Variants in AKAP6 observed in about 807,000 individuals in gnomAD.
AKAP6 encodes the protein A-kinase anchor protein 6.
AKAP6 carries 58 observed loss-of-function variants against 188.5 expected under a neutral mutation model. The observed-to-expected ratio is 0.31, with a 90% confidence interval of 0.25 to 0.38. The LOEUF (loss-of-function observed/expected upper bound fraction) is 0.38. Ranked by LOEUF, AKAP6 falls within the 10% of genes least tolerant of loss-of-function variation. The pLI, the probability that AKAP6 is intolerant of heterozygous loss-of-function variation, is 1.00. For missense variants in AKAP6, 2,710 were observed against 2,740.0 expected (o/e 0.99, Z 0.24); for synonymous variants, 989 against 998.6 (o/e 0.99, Z 0.18).
At chr14:32,725,721 A>G (rs2030837044) in intron 9 of AKAP6, among the ~76,000 whole-genome samples, 1 of 152,214 alleles carries the variant, frequency 6.6e-6, no homozygotes, top group Non-Finnish European at 1.5e-5. Flanking sequence ...ATGTAGCTAT[A>G]TCATAGAGTC....
intron 7 of AKAP6, among the ~76,000 whole-genome samples, chr14:32,623,995 C>A (rs914843379): frequency 6.6e-6 from 1 of 151,954 alleles, no homozygotes; most frequent in Non-Finnish European, 1.5e-5. Flanking sequence ...AGTAGAGTGG[C>A]AAAGTGAATT....
intron 2 of AKAP6, among the ~76,000 whole-genome samples, chr14:32,454,163 C>T (rs1481642921): frequency 1.3e-5 from 2 of 152,206 alleles, no homozygotes; most frequent in African/African-American, 4.8e-5. Context: ...GAACATGTCT[C>T]AAAGTCCATT....
At chr14:32,524,959 G>A (rs1042951272) in intron 2 of AKAP6, among the ~76,000 whole-genome samples, 2 of 152,136 alleles carry the variant, frequency 1.3e-5, no homozygotes, top group Non-Finnish European at 2.9e-5. Context: ...CAAGCACACT[G>A]CAAGGTAAGA....
At chr14:32,659,479 A>T (rs1439136959) in intron 7 of AKAP6, among the ~76,000 whole-genome samples, 1 of 152,086 alleles carries the variant, frequency 6.6e-6, no homozygotes, top group Non-Finnish European at 1.5e-5. Context: ...GTTATTTCGG[A>T]AGATAAGACA....
intron 1 of AKAP6, among the ~76,000 whole-genome samples, chr14:32,374,261 C>T (rs1366412471): frequency 3.3e-5 from 5 of 152,082 alleles, no homozygotes; most frequent in Non-Finnish European, 4.4e-5. Context: ...CAGCTCAACA[C>T]GGTAAGTGCT....
chr14:32,769,339 C>T (rs1047921105), intron 11 of AKAP6, among the ~76,000 whole-genome samples: 5 of 152,062 alleles, frequency 3.3e-5, no homozygotes, highest in South Asian at 2.1e-4. Flanking sequence ...TGAGCCACTG[C>T]GCCTGGCCCC....
intron 12 of AKAP6, among the ~76,000 whole-genome samples, chr14:32,801,012 G>T (rs916418740): frequency 9.9e-5 from 15 of 152,200 alleles, no homozygotes; most frequent in African/African-American, 3.6e-4. Flanking sequence ...GTGACACTCT[G>T]TCTCAAAAAT....
intron 2 of AKAP6, among the ~76,000 whole-genome samples, chr14:32,436,947 T>C (rs1890400339): frequency 6.6e-6 from 1 of 152,126 alleles, no homozygotes; most frequent in Admixed American, 6.5e-5. Flanking sequence ...GTAATAAATA[T>C]GTAAATGAGG....
At chr14:32,724,700 T>C (rs1024872327) in intron 9 of AKAP6, among the ~76,000 whole-genome samples, 1 of 152,012 alleles carries the variant, frequency 6.6e-6, no homozygotes, top group Non-Finnish European at 1.5e-5. Flanking sequence ...AGGCAAAATT[T>C]ATAATAGAGT....
intron 11 of AKAP6, among the ~76,000 whole-genome samples, chr14:32,758,173 A>G (rs1395112304): frequency 6.6e-6 from 1 of 152,202 alleles, no homozygotes; most frequent in Non-Finnish European, 1.5e-5. Flanking sequence ...ATCCTCACCA[A>G]TTGATACCTG....
chr14:32,366,706 C>CTG (rs140304888), intron 1 of AKAP6, among the ~76,000 whole-genome samples: 1,514 of 150,570 alleles, frequency 0.01, 27 homozygotes, highest in African/African-American at 0.035. Flanking sequence ...GTGTGTGTGT[C>CTG]TGTGTGTGTG....
rs148763334 is a variant in AKAP6 at position 32,432,418 on chromosome 14, C to T, written c.-34-1042C>T. Among the ~76,000 whole-genome samples, 13 of 152,242 alleles carry T rather than the reference C, an allele frequency of 8.5e-5. No individual in the cohort carries two copies. In the East Asian group the frequency reaches 2.3e-3, roughly 27 times the overall value. Reference sequence around the variant, plus strand: ...CCACCTTACTTTTTGATGAATTACACTTATGTTATTTTAACTTATTTGGTT... The same window carrying T: ...CCACCTTACTTTTTGATGAATTACATTTATGTTATTTTAACTTATTTGGTT... On this transcript the variant is annotated intron_variant, in intron 1 of 13. Coordinates refer to ENST00000280979, the MANE Select transcript of AKAP6 (RefSeq NM_004274.5).
chr14:32,685,326 T>C (rs771835222), intron 8 of AKAP6, among the ~76,000 whole-genome samples: 44 of 152,202 alleles, frequency 2.9e-4, no homozygotes, highest in Admixed American at 9.2e-4. Context: ...ATGGGAATAC[T>C]GAGAAGGGCT....
chr14:32,566,022 C>T (rs1220024173), intron 4 of AKAP6, among the ~76,000 whole-genome samples: 1 of 152,174 alleles, frequency 6.6e-6, no homozygotes, highest in Non-Finnish European at 1.5e-5. Flanking sequence ...GGATGATCTA[C>T]AGCAAGAGGT....
At chr14:32,351,706 A>G (rs1005400425) in intron 1 of AKAP6, among the ~76,000 whole-genome samples, 1 of 152,194 alleles carries the variant, frequency 6.6e-6, no homozygotes, top group African/African-American at 2.4e-5. Context: ...ATCTTTGTTG[A>G]TGAATGCTAG....
chr14:32,393,166 A>C (rs899272818), intron 1 of AKAP6, among the ~76,000 whole-genome samples: 4 of 152,130 alleles, frequency 2.6e-5, no homozygotes, highest in Non-Finnish European at 5.9e-5. Context: ...CCTGGCAGAC[A>C]CCCCATAACC....
chr14:32,595,282 T>C (rs1234591337), intron 5 of AKAP6, among the ~76,000 whole-genome samples: 1 of 152,102 alleles, frequency 6.6e-6, no homozygotes, highest in African/African-American at 2.4e-5. Flanking sequence ...GGTCAAGTCC[T>C]GTGTAGCCAT....
At chr14:32,787,397 C>T (rs543317313) in intron 12 of AKAP6, among the ~76,000 whole-genome samples, 20 of 152,152 alleles carry the variant, frequency 1.3e-4, no homozygotes, top group Non-Finnish European at 2.2e-4. Flanking sequence ...AGGTGTACCT[C>T]GCCATTGTAA....
intron 4 of AKAP6, among the ~76,000 whole-genome samples, chr14:32,551,853 A>G (rs1883483903): frequency 6.6e-6 from 1 of 150,564 alleles, no homozygotes; most frequent in African/African-American, 2.4e-5. Flanking sequence ...TTTTTAGTAG[A>G]GATGGGGTTT....
Sources: allele counts gnomAD v4.1 joint callset (sites outside exome capture counted in the v4.1 genomes callset), GRCh38; gene constraint gnomAD v4.1.1; transcripts MANE v1.5; gene names NCBI Gene and HGNC (gene_info 2026-07-23, HGNC 2026-07-21).